Variants in LRMDA observed in about 807,000 individuals in gnomAD.
LRMDA encodes the protein leucine-rich melanocyte differentiation-associated protein.
Under a neutral mutation model 29.8 loss-of-function variants are expected in LRMDA, and 18 were observed. The ratio of observed to expected loss-of-function variants is 0.60; its 90% CI spans 0.42 to 0.90. LRMDA has a LOEUF of 0.90. Ranked by LOEUF, LRMDA falls within the 40% of genes least tolerant of loss-of-function variation. The pLI is 0.00. For missense variants in LRMDA, 273 were observed against 273.9 expected, an observed-to-expected ratio of 1.00 and a Z score of 0.02; for synonymous variants, 125 against 109.4, an observed-to-expected ratio of 1.14 and a Z score of -0.89.
chr10:75,441,511 G>C (rs1338106524), intron 2 of LRMDA, among the ~76,000 whole-genome samples: 2 of 152,216 alleles, frequency 1.3e-5, no homozygotes, highest in African/African-American at 4.8e-5. Context: ...CAGGAGATAA[G>C]GTTGAGATAG....
intron 6 of LRMDA, among the ~76,000 whole-genome samples, chr10:76,542,234 T>C (rs1229899946): frequency 6.6e-6 from 1 of 152,242 alleles, no homozygotes; most frequent in Non-Finnish European, 1.5e-5. Context: ...TTTACAGAGA[T>C]GTGTGCTATA....
intron 2 of LRMDA, among the ~76,000 whole-genome samples, chr10:75,862,692 C>T (rs1051055046): frequency 1.3e-5 from 2 of 152,154 alleles, no homozygotes; most frequent in African/African-American, 4.8e-5. Context: ...ATAACTAAAC[C>T]TCCTAGGGTT....
chr10:75,652,649 G>A (rs759333963), intron 2 of LRMDA, among the ~76,000 whole-genome samples: 2 of 152,192 alleles, frequency 1.3e-5, no homozygotes, highest in Non-Finnish European at 2.9e-5. Context: ...CTCGGCTGCA[G>A]TGTCTTCCGG....
intron 2 of LRMDA, among the ~76,000 whole-genome samples, chr10:75,958,358 G>A (rs1260432208): frequency 3.9e-5 from 6 of 152,184 alleles, no homozygotes; most frequent in African/African-American, 1.4e-4. Flanking sequence ...CGGTATTCCG[G>A]TCAATTCAAT....
intron 2 of LRMDA, among the ~76,000 whole-genome samples, chr10:75,951,192 A>G (rs1226283101): frequency 6.6e-6 from 1 of 152,248 alleles, no homozygotes; most frequent in East Asian, 1.9e-4. Flanking sequence ...TTTACAGTTC[A>G]CTAAGGAGAT....
At chr10:76,264,389 A>G (rs949595120) in intron 5 of LRMDA, among the ~76,000 whole-genome samples, 2 of 119,100 alleles carry the variant, frequency 1.7e-5, no homozygotes, top group Non-Finnish European at 3.2e-5. Flanking sequence ...CCTGGGTAAC[A>G]GAGCAAGACT....
At chr10:76,352,465 C>T (rs929628565) in intron 6 of LRMDA, among the ~76,000 whole-genome samples, 1 of 152,154 alleles carries the variant, frequency 6.6e-6, no homozygotes, top group East Asian at 1.9e-4. Flanking sequence ...GGTGACTAAG[C>T]GGCCGATTCT....
intron 2 of LRMDA, among the ~76,000 whole-genome samples, chr10:75,782,549 A>G (rs1036492598): frequency 6.6e-6 from 1 of 152,134 alleles, no homozygotes. Context: ...TGAAGCGGAA[A>G]GGAGGCCGGT....
rs917685425 is a variant in LRMDA at position 76,423,158 on chromosome 10, G to A, written c.601+98673G>A. ...GCCTGTAATCCCAGCACTTTGGGAG[G>A]CTGACGCAGGCAGATCGCTTGAGTC... On this transcript the variant is annotated intron_variant, in intron 6 of 6. Transcript: ENST00000611255. Among the ~76,000 whole-genome samples the A allele has an allele frequency of 1.2e-4, 18 of 152,222 alleles. 1 individual carries two copies. The highest frequency in any genetic ancestry group is 3.9e-4 in the African/African-American group (16 of 41,456).
intron 6 of LRMDA, among the ~76,000 whole-genome samples, chr10:76,472,361 G>A (rs1384367017): frequency 2.0e-5 from 3 of 151,614 alleles, no homozygotes; most frequent in Admixed American, 2.0e-4. Flanking sequence ...TGAGATGAAT[G>A]AAAAAGACAC....
intron 6 of LRMDA, among the ~76,000 whole-genome samples, chr10:76,481,305 T>C (rs1318504383): frequency 6.6e-6 from 1 of 151,940 alleles, no homozygotes; most frequent in East Asian, 1.9e-4. Context: ...GCCTTCTCCT[T>C]CTCAGGCCTC....
intron 5 of LRMDA, among the ~76,000 whole-genome samples, chr10:76,089,752 A>G (rs1287617536): frequency 2.6e-5 from 4 of 152,072 alleles, no homozygotes; most frequent in African/African-American, 9.7e-5. Flanking sequence ...ATCTTTCATC[A>G]CCTAAATAAG....
At chr10:76,220,690 G>T (rs1851815285) in intron 5 of LRMDA, among the ~76,000 whole-genome samples, 2 of 152,090 alleles carry the variant, frequency 1.3e-5, no homozygotes, top group African/African-American at 4.8e-5. Flanking sequence ...TCTACCAGAG[G>T]TACAAGGAGG....
At chr10:75,879,978 G>A (rs908770364) in intron 2 of LRMDA, among the ~76,000 whole-genome samples, 3 of 152,056 alleles carry the variant, frequency 2.0e-5, no homozygotes, top group South Asian at 2.1e-4. Context: ...ATCCTTAAGA[G>A]GAAAATAAAA....
At chr10:76,072,464 T>C (rs952923295) in intron 5 of LRMDA, among the ~76,000 whole-genome samples, 1 of 152,204 alleles carries the variant, frequency 6.6e-6, no homozygotes, top group African/African-American at 2.4e-5. Flanking sequence ...ACAATTCTTT[T>C]TAAAAACAGC....
intron 6 of LRMDA, among the ~76,000 whole-genome samples, chr10:76,511,726 G>C (rs1425498722): frequency 2.0e-5 from 3 of 151,128 alleles, no homozygotes; most frequent in Non-Finnish European, 3.0e-5. Context: ...AATTAAAGAA[G>C]AGCAAAATAA....
At chr10:76,150,790 G>T (rs1338696864) in intron 5 of LRMDA, among the ~76,000 whole-genome samples, 1 of 152,156 alleles carries the variant, frequency 6.6e-6, no homozygotes, top group Non-Finnish European at 1.5e-5. Context: ...TTGTTTTGGT[G>T]GCACCCTTTG....
chr10:76,383,523 C>T (rs997683167), intron 6 of LRMDA, among the ~76,000 whole-genome samples: 10 of 147,650 alleles, frequency 6.8e-5, no homozygotes, highest in South Asian at 4.3e-4. Flanking sequence ...CTCCGCTTCC[C>T]GGGTTCACGC....
At chr10:75,493,961 C>T (rs908690364) in intron 2 of LRMDA, among the ~76,000 whole-genome samples, 27 of 151,924 alleles carry the variant, frequency 1.8e-4, no homozygotes, top group Admixed American at 5.9e-4. Flanking sequence ...ACTGTATTGC[C>T]CAGGCTGGTC....
Sources: gnomAD v4.1 joint callset for allele counts (sites outside exome capture counted in the v4.1 genomes callset) on GRCh38, gnomAD v4.1.1 for gene constraint, MANE v1.5 for transcripts, NCBI Gene and HGNC (gene_info 2026-07-23, HGNC 2026-07-21) for gene names.